The following VIM variants were observed in gnomAD, a reference collection of about 807,000 sequenced individuals.
VIM encodes the protein vimentin, also known as epididymis secretory sperm binding protein.
VIM carries 18 observed loss-of-function variants against 50.3 expected under a neutral mutation model. The ratio of observed to expected loss-of-function variants is 0.36; its 90% CI spans 0.25 to 0.53. The LOEUF (loss-of-function observed/expected upper bound fraction) is 0.53. VIM is among the 20% of genes least tolerant of loss of function. The pLI is 0.91. For missense variants in VIM, 551 were observed against 614.7 expected, an observed-to-expected ratio of 0.90 and a Z score of 1.10; for synonymous variants, 245 against 248.5, an observed-to-expected ratio of 0.99 and a Z score of 0.13.
At chr10:17,234,475 C>A (rs924523152) in intron 5 of VIM, among the ~76,000 whole-genome samples, 2 of 152,152 alleles carry the variant, frequency 1.3e-5, no homozygotes, top group African/African-American at 4.8e-5. Flanking sequence ...AAGTAAACCC[C>A]AATGCCATAC....
chr10:17,237,554 A>G lies in VIM; in HGVS notation c.*283A>G, dbSNP rs777452849. 92 of 362,856 alleles carry G rather than the reference A, an allele frequency of 2.5e-4. No homozygotes were observed. Among genetic ancestry groups the G allele is most frequent in the Non-Finnish European group, 4.0e-4 (80 of 200,564 alleles). 22.5% of individuals were successfully genotyped at this position (362,856 alleles called of 1,614,324 possible). ...CTTTTTTTTTTCCAGCAAGTATCCA[A>G]CCAACTTGGTTCTGCTTCAATAAAT... On this transcript the variant is annotated 3_prime_UTR_variant, in exon 10 of 10. Transcript: ENST00000544301.
At chr10:17,231,626 T>C (rs1846800955) in intron 3 of VIM, among the ~76,000 whole-genome samples, 1 of 152,192 alleles carries the variant, frequency 6.6e-6, no homozygotes, top group African/African-American at 2.4e-5. Context: ...ATGTAAAAAG[T>C]TTTTAAAGCT....
chr10:17,237,363 C>A lies in VIM; in HGVS notation c.*92C>A. ...GAAACAGCTTTCAAGTGCCTTTCTG[C>A]AGTTTTTCAGGAGCGCAAGATAGAT... On this transcript the variant is annotated 3_prime_UTR_variant, in exon 10 of 10. Transcript: ENST00000544301. 1 of 1,274,144 alleles carries A rather than the reference C, an allele frequency of 7.8e-7. No homozygotes were observed. The highest frequency in any genetic ancestry group is 1.1e-6 in the Non-Finnish European group (1 of 897,768). 78.9% of individuals were successfully genotyped at this position (1,274,144 alleles called of 1,614,324 possible).
At chr10:17,231,656 T>C (rs1198834905) in intron 3 of VIM, among the ~76,000 whole-genome samples, 1 of 152,224 alleles carries the variant, frequency 6.6e-6, no homozygotes, top group Admixed American at 6.5e-5. Context: ...CCTCACATTT[T>C]AAAAGTCCTT....
chr10:17,229,241 G>A (rs1040415719), intron 1 of VIM, 35 bp from the exon 2 acceptor site: 8 of 585,242 alleles, frequency 1.4e-5, no homozygotes, highest in African/African-American at 1.2e-4. Flanking sequence ...CTTTCCTAAC[G>A]GGGTTATAAA....
rs1032868502 is a variant in VIM at position 17,228,353 on chromosome 10, C to G, written c.-319C>G. 6.6e-6 allele frequency: 1 copy of G among 152,256 alleles called. No homozygotes were observed. 9.4% of individuals were successfully genotyped at this position (152,256 alleles called of 1,614,324 possible). A position where few individuals can be genotyped will look rare whatever the true frequency, so the allele number is the denominator to read the frequency against. On this transcript the variant is annotated 5_prime_UTR_variant, in exon 1 of 10. Transcript: ENST00000544301. ...GCGAGTTATTAAAAACTTAGGGGCGCTCTTGTCCCCCACAGGGCCCGACCG... is the reference window on the plus strand; with the variant it reads ...GCGAGTTATTAAAAACTTAGGGGCGGTCTTGTCCCCCACAGGGCCCGACCG...
chr10:17,233,886 G>T lies in VIM; in HGVS notation c.837G>T (p.Val279=). ...ACGTACGTCAGCAATATGAAAGTGT[G>T]GCTGCCAAGAACCTGCAGGAGGCAG... ...LRDVRQQYES[V]AAKNLQEAEE... is the part of the protein sequence containing the mutation. Residue 279 remains valine (V), a synonymous_variant, in exon 5 of 10, where the codon GTG becomes GTT. Transcript: ENST00000544301. The T allele has an allele frequency of 6.2e-7, 1 of 1,614,106 alleles. No individual in the cohort carries two copies. The highest frequency in any genetic ancestry group is 8.5e-7 in the Non-Finnish European group (1 of 1,180,018).
rs773360932 is a variant in VIM at position 17,233,571 on chromosome 10, T to C, written c.625-16T>C. 2.0e-5 allele frequency: 32 copies of C among 1,613,068 alleles called. No homozygotes were observed. Among genetic ancestry groups the C allele is most frequent in the Non-Finnish European group, 2.6e-5 (31 of 1,179,132 alleles). On this transcript the variant is annotated splice_polypyrimidine_tract_variant and intron_variant, in intron 3 of 9. Transcript: ENST00000544301. Reference sequence around the variant, plus strand: ...TTTACATCCTCCATGTCCTGTCTTTTCTCTGTTCAAAATAGGATGTTGACA... The same window carrying C: ...TTTACATCCTCCATGTCCTGTCTTTCCTCTGTTCAAAATAGGATGTTGACA...
intron 9 of VIM, among the ~76,000 whole-genome samples, chr10:17,236,955 G>T (rs551431881): frequency 2.4e-4 from 37 of 152,196 alleles, no homozygotes; most frequent in African/African-American, 8.7e-4. Flanking sequence ...GCTGTATTGT[G>T]TACAACTATT....
intron 5 of VIM, chr10:17,234,230 C>T: frequency 2.6e-6 from 1 of 380,448 alleles, no homozygotes; most frequent in Non-Finnish European, 4.9e-6. Flanking sequence ...ATTCTCCTGC[C>T]TCAGCCCCCT....
In VIM at chr10:17,230,639, A is replaced by G. The variant is rs764104544; in HGVS notation, c.564-11A>G. The G allele has an allele frequency of 9.9e-6, 16 of 1,613,902 alleles. No homozygotes were observed. Among genetic ancestry groups the G allele is most frequent in the Non-Finnish European group, 1.4e-5 (16 of 1,180,018 alleles). On this transcript the variant is annotated splice_polypyrimidine_tract_variant and intron_variant, in intron 2 of 9. Coordinates refer to ENST00000544301, the MANE Select transcript of VIM (RefSeq NM_003380.5). ...CCTCGTTCCCCTTTGGTTAATGCGC[A>G]ACTGTTTCAGATTGCAGGAGGAGAT...
intron 2 of VIM, 82 bp from the exon 3 acceptor site, chr10:17,230,568 G>C: frequency 1.3e-6 from 2 of 1,483,324 alleles, no homozygotes; most frequent in Non-Finnish European, 1.9e-6. Flanking sequence ...GAGGCGCAGA[G>C]CGAATACGTG....
intron 2 of VIM, chr10:17,230,222 T>C: frequency 3.3e-6 from 2 of 603,966 alleles, no homozygotes; most frequent in Non-Finnish European, 5.8e-6. Flanking sequence ...GGACGCTCCG[T>C]TTCAAGTTAC....
intron 3 of VIM, among the ~76,000 whole-genome samples, chr10:17,232,563 C>T (rs1387801141): frequency 1.3e-5 from 2 of 152,156 alleles, no homozygotes; most frequent in African/African-American, 4.8e-5. Flanking sequence ...CAGGATGAGT[C>T]AAAGGAGTTT....
At position 17,233,904 on chromosome 10, in the gene VIM, G is replaced by A. The variant is rs765809278; in HGVS notation, c.855G>A (p.Gln285=). Residue 285 remains glutamine, a synonymous_variant, in exon 5 of 10, where the codon CAG becomes CAA. Transcript: ENST00000544301. ...QYESVAAKNL[Q]EAEEWYKSKF... Reference sequence around the variant, plus strand: ...AAAGTGTGGCTGCCAAGAACCTGCAGGAGGCAGAAGAATGGTACAAATCCA... The same window carrying A: ...AAAGTGTGGCTGCCAAGAACCTGCAAGAGGCAGAAGAATGGTACAAATCCA... The A allele has an allele frequency of 3.5e-5, 56 of 1,613,918 alleles. No individual in the cohort carries two copies. The highest frequency in any genetic ancestry group is 4.7e-5 in the Non-Finnish European group (55 of 1,179,976).
chr10:17,233,467 T>C, intron 3 of VIM, 120 bp from the exon 4 acceptor site: 1 of 930,092 alleles, frequency 1.1e-6, no homozygotes, highest in South Asian at 1.4e-5. Context: ...TCATAAAATG[T>C]GTCAACGGCT....
chr10:17,230,587 G>A (rs776779242), intron 2 of VIM, 63 bp from the exon 3 acceptor site: 16 of 1,582,536 alleles, frequency 1.0e-5, no homozygotes, highest in Middle Eastern at 2.1e-4. Flanking sequence ...TGGTGTTTGG[G>A]TGTGGCCGCC....
In VIM at chr10:17,229,511, A is replaced by G. The variant is rs1846740908; in HGVS notation, c.89A>G (p.Tyr30Cys). Residue 30 changes from tyrosine (Y) to cysteine (C), a missense_variant, in exon 2 of 10, where the codon TAC becomes TGC. By Grantham distance (194) the Tyr-to-Cys change is radical. Coordinates refer to ENST00000544301, the MANE Select transcript of VIM (RefSeq NM_003380.5). ...TASRPSSSRS[Y>C]VTTSTRTYSL... ...AGCCGGCCGAGCTCCAGCCGGAGCT[A>G]CGTGACTACGTCCACCCGCACCTAC... 1.9e-6 allele frequency: 3 copies of G among 1,608,068 alleles called. No homozygotes were observed. Among genetic ancestry groups the G allele is most frequent in the Admixed American group, 3.3e-5 (2 of 59,928 alleles).
At position 17,237,352 on chromosome 10, in the gene VIM, G is replaced by A; in HGVS notation, c.*81G>A. ...CATATCTTAAAGAAACAGCTTTCAAGTGCCTTTCTGCAGTTTTTCAGGAGC... is the reference window on the plus strand; with the variant it reads ...CATATCTTAAAGAAACAGCTTTCAAATGCCTTTCTGCAGTTTTTCAGGAGC... On this transcript the variant is annotated 3_prime_UTR_variant, in exon 10 of 10. Coordinates refer to ENST00000544301, the MANE Select transcript of VIM (RefSeq NM_003380.5). 7.0e-7 allele frequency: 1 copy of A among 1,425,352 alleles called. No individual in the cohort carries two copies. The highest frequency in any genetic ancestry group is 2.4e-5 in the East Asian group (1 of 42,348). 88.3% of individuals were successfully genotyped at this position (1,425,352 alleles called of 1,614,324 possible).
Sources: gnomAD v4.1 joint callset for allele counts (sites outside exome capture counted in the v4.1 genomes callset) on GRCh38, gnomAD v4.1.1 for gene constraint, MANE v1.5 for transcripts, NCBI Gene and HGNC (gene_info 2026-07-23, HGNC 2026-07-21) for gene names.